The following POLR3A variants were observed in gnomAD, a reference collection of about 807,000 sequenced individuals.
POLR3A encodes RNA polymerase III subunit A, also known as DNA-directed RNA polymerase III subunit RPC1.
Under a neutral mutation model 152.8 loss-of-function variants are expected in POLR3A, and 112 were observed. The observed-to-expected ratio is 0.73, with a 90% CI of 0.63 to 0.86. The LOEUF (loss-of-function observed/expected upper bound fraction) is 0.86. Ranked by LOEUF, POLR3A falls within the 40% of genes least tolerant of loss-of-function variation. POLR3A has a pLI of 0.00. For synonymous variants in POLR3A, 615 were observed against 652.1 expected (o/e 0.94, Z 0.87); for missense variants, 1,385 against 1,743.1 (o/e 0.79, Z 3.66).
chr10:78,008,079 G>A (rs1279684252), intron 14 of POLR3A, among the ~76,000 whole-genome samples: 1 of 152,148 alleles, frequency 6.6e-6, no homozygotes, highest in Non-Finnish European at 1.5e-5. Context: ...CAGTTAGTGT[G>A]TAGTCCTAAC....
At chr10:78,010,415 G>A (rs1031929443) in intron 12 of POLR3A, 56 bp downstream of exon 12, 2 of 1,253,322 alleles carry the variant, frequency 1.6e-6, no homozygotes, top group African/African-American at 2.9e-5. Flanking sequence ...CACTATGAAC[G>A]AGGAACACTG....
In POLR3A at chr10:78,016,396, T is replaced by C. The variant is rs1260056628; in HGVS notation, c.1431+1179A>G. On this transcript the variant is annotated intron_variant, in intron 10 of 30. Transcript: ENST00000372371. ...CCCATCTGGGCAATACACCAAGACCTCAGCTCCACTTATTAAAAAAAAAAA... is the reference window on the plus strand; with the variant it reads ...CCCATCTGGGCAATACACCAAGACCCCAGCTCCACTTATTAAAAAAAAAAA... Among the ~76,000 whole-genome samples, 7 of 126,298 alleles carry C rather than the reference T, an allele frequency of 5.5e-5. No individual in the cohort carries two copies. The South Asian group carries it at 1.6e-3, about 28-fold the overall frequency. The allele number at this position is 126,298 out of a possible 152,430, so 82.9% of individuals were successfully genotyped here.
rs180779676 is a variant in POLR3A, at chr10:77,990,424, G to A, written c.2901+630C>T. The stretch of plus-strand genomic sequence containing the variant: ...GGGAAGAGTTGGCTCACAAGATAGA[G>A]TAGGTAGTAGGCTGGTGTTAGGGAC... On this transcript the variant is annotated intron_variant, in intron 21 of 30. Coordinates refer to ENST00000372371, the MANE Select transcript of POLR3A (RefSeq NM_007055.4). Among the ~76,000 whole-genome samples, 10 of 152,320 alleles carry A rather than the reference G, an allele frequency of 6.6e-5. No homozygotes were observed. In the East Asian group the frequency reaches 1.7e-3, roughly 26 times the overall value.
At chr10:77,992,804 T>C (rs11002356) in intron 20 of POLR3A, among the ~76,000 whole-genome samples, 15,903 of 152,036 alleles carry the variant, frequency 0.1, 1,512 homozygotes, top group African/African-American at 0.23. Context: ...CCTCCCAAAT[T>C]GCTAGGATTC....
In POLR3A at chr10:78,016,989, CCT is replaced by C. The variant is rs563758706; in HGVS notation, c.1431+584_1431+585del. ...CCATGCTAGTCACTTTCAATTAAATCCTCTCTTAGTGTTTTGTATGAATATTA... is the reference window on the plus strand; with the variant it reads ...CCATGCTAGTCACTTTCAATTAAATCCTCTTAGTGTTTTGTATGAATATTA... On this transcript the variant is annotated intron_variant, in intron 10 of 30. Transcript: ENST00000372371. Among the ~76,000 whole-genome samples the C allele has an allele frequency of 5.0e-3, 766 of 152,022 alleles. 3 individuals carry two copies. Among genetic ancestry groups the C allele is most frequent in the Middle Eastern group, 0.027 (8 of 292 alleles).
At chr10:77,990,871 C>T (rs574321522) in intron 21 of POLR3A, among the ~76,000 whole-genome samples, 183 bp downstream of exon 21, 5 of 152,294 alleles carry the variant, frequency 3.3e-5, no homozygotes, top group African/African-American at 1.2e-4. Context: ...GCCTCGGCCT[C>T]CCAAAGTGCT....
At chr10:78,015,131 C>G (rs1847506275) in intron 10 of POLR3A, among the ~76,000 whole-genome samples, 1 of 152,256 alleles carries the variant, frequency 6.6e-6, no homozygotes, top group East Asian at 1.9e-4. Context: ...GGTATGATTA[C>G]AGCACTGTGG....
In POLR3A at chr10:78,009,402, G is replaced by GA. The variant is rs1033678443; in HGVS notation, c.1909+134dup. On this transcript the variant is annotated intron_variant, in intron 14 of 30. Coordinates refer to ENST00000372371, the MANE Select transcript of POLR3A (RefSeq NM_007055.4). Reference sequence around the variant, plus strand: ...GAAAAACCAGCTACATTTTCCTGAAGAAAAAACTTTCCACCTAAGGCTTAC... The same window carrying GA: ...GAAAAACCAGCTACATTTTCCTGAAGAAAAAAACTTTCCACCTAAGGCTTAC... The GA allele has an allele frequency of 2.4e-6, 3 of 1,230,154 alleles. No homozygotes were observed. The South Asian group carries it at 3.7e-5, about 15-fold the overall frequency. 76.2% of individuals were successfully genotyped at this position (1,230,154 alleles called of 1,614,324 possible). A position where few individuals can be genotyped will look rare whatever the true frequency, so the allele number is the denominator to read the frequency against.
At chr10:77,997,497 C>T (rs891722627) in intron 19 of POLR3A, among the ~76,000 whole-genome samples, 5 of 152,158 alleles carry the variant, frequency 3.3e-5, no homozygotes, top group African/African-American at 9.7e-5. Flanking sequence ...AAATCACAAG[C>T]ATTCTTATAC....
chr10:78,013,647 T>C lies in POLR3A; in HGVS notation c.1572+3A>G. On this transcript the variant is annotated splice_donor_region_variant and intron_variant, in intron 11 of 30. Coordinates refer to ENST00000372371, the MANE Select transcript of POLR3A (RefSeq NM_007055.4). ...AAAAGCTGGGCTGTGCCACCCTACATACCCCCATCAGAACAAGGGCCTCTG... is the reference window on the plus strand; with the variant it reads ...AAAAGCTGGGCTGTGCCACCCTACACACCCCCATCAGAACAAGGGCCTCTG... 6.2e-7 allele frequency: 1 copy of C among 1,613,956 alleles called. No individual in the cohort carries two copies.
Position 78,009,525 on chromosome 10 carries a change from C to A in POLR3A, c.1909+12G>T. The A allele has an allele frequency of 6.2e-7, 1 of 1,614,240 alleles. No homozygotes were observed. Among genetic ancestry groups the A allele is most frequent in the Non-Finnish European group, 8.5e-7 (1 of 1,180,054 alleles). On this transcript the variant is annotated intron_variant, in intron 14 of 30. Coordinates refer to ENST00000372371, the MANE Select transcript of POLR3A (RefSeq NM_007055.4). ...GTTCCTCCTTCTCCCCACCCGAGTTCCGTCCACTCACAGGAATCATTGGCA... is the reference window on the plus strand; with the variant it reads ...GTTCCTCCTTCTCCCCACCCGAGTTACGTCCACTCACAGGAATCATTGGCA...
intron 19 of POLR3A, among the ~76,000 whole-genome samples, chr10:77,997,945 C>T (rs537896445): frequency 2.6e-5 from 4 of 152,068 alleles, no homozygotes; most frequent in African/African-American, 9.6e-5. Context: ...AGACTGGTAC[C>T]AAAACAGAGA....
rs1329975984 is a variant in POLR3A at position 78,017,677 on chromosome 10, C to G, written c.1329G>C (p.Glu443Asp). 3 of 1,614,140 alleles carry G rather than the reference C, an allele frequency of 1.9e-6. No individual in the cohort carries two copies. The highest frequency in any genetic ancestry group is 2.5e-6 in the Non-Finnish European group (3 of 1,179,996). Residue 443 changes from glutamate (E) to aspartate (D), a missense_variant, in exon 10 of 31, where the codon GAG (glutamate) becomes GAC (aspartate). By Grantham distance (45) the Glu-to-Asp change is conservative. This residue lies in a region of POLR3A where 493 missense variants were observed against 647.5 expected (regional missense o/e 0.76). Transcript: ENST00000372371. ...TCTCTACGATGTCACCATACTTGAG[C>G]TCTTGAGCCATCTTTTCTCGATTTC... Reference protein sequence around the residue: ...KYGNREKMAQELKYGDIVERH... With the variant: ...KYGNREKMAQDLKYGDIVERH...
At chr10:77,977,748 A>G in intron 30 of POLR3A, 122 bp from the exon 31 acceptor site, 1 of 837,324 alleles carries the variant, frequency 1.2e-6, no homozygotes, top group Non-Finnish European at 2.0e-6. Flanking sequence ...CTCCACATCA[A>G]CTGAACTTTG....
At chr10:77,978,267 A>C (rs975117869) in intron 30 of POLR3A, among the ~76,000 whole-genome samples, 10 of 152,218 alleles carry the variant, frequency 6.6e-5, no homozygotes, top group Non-Finnish European at 1.3e-4. Context: ...GCTTGAGTCT[A>C]CGATGAGCAA....
chr10:78,013,801 C>G lies in POLR3A; in HGVS notation c.1432-11G>C, dbSNP rs773794979. 5.0e-6 allele frequency: 8 copies of G among 1,609,806 alleles called. No individual in the cohort carries two copies. Among genetic ancestry groups the G allele is most frequent in the Non-Finnish European group, 6.8e-6 (8 of 1,176,662 alleles). ...GGGCTTGACCCTGGCCTGTGGAACA[C>G]AAAACAAAACAAAACAGGAAGAGGA... is the stretch of plus-strand genomic sequence containing the variant. On this transcript the variant is annotated splice_polypyrimidine_tract_variant and intron_variant, in intron 10 of 30. Coordinates refer to ENST00000372371, the MANE Select transcript of POLR3A (RefSeq NM_007055.4).
At chr10:78,006,153 T>G (rs1267821478) in intron 15 of POLR3A, among the ~76,000 whole-genome samples, 1 of 151,952 alleles carries the variant, frequency 6.6e-6, no homozygotes, top group Non-Finnish European at 1.5e-5. Context: ...TCCCAGCACT[T>G]TGGGAGGCCG....
At chr10:78,021,428 A>G in intron 8 of POLR3A, 118 bp downstream of exon 8, 1 of 976,934 alleles carries the variant, frequency 1.0e-6, no homozygotes, top group Non-Finnish European at 1.6e-6. Context: ...CATATAAACC[A>G]AACTGTGGGT....
At chr10:78,009,506 C>T in intron 14 of POLR3A, 31 bp downstream of exon 14, 2 of 1,614,214 alleles carry the variant, frequency 1.2e-6, no homozygotes. Flanking sequence ...TCACGTTCCT[C>T]CTTCTCCCCA....
Sources: gnomAD v4.1 joint callset for allele counts (sites outside exome capture counted in the v4.1 genomes callset) on GRCh38, gnomAD v4.1.1 for gene constraint, gnomAD v4.1.1 regional missense constraint, MANE v1.5 for transcripts, NCBI Gene and HGNC (gene_info 2026-07-23, HGNC 2026-07-21) for gene names.